Variants in NBAS observed in about 807,000 individuals in gnomAD.
The protein encoded by NBAS is NAG/BC035112 fusion.
Under a neutral mutation model 302.5 loss-of-function variants are expected in NBAS, and 219 were observed. The observed-to-expected ratio is 0.72, with a 90% CI of 0.65 to 0.81. The LOEUF (loss-of-function observed/expected upper bound fraction) is 0.81. Among genes scored for constraint, NBAS ranks in the 30% least tolerant of loss-of-function variants. NBAS has a pLI of 0.00. For synonymous variants in NBAS, 1,118 were observed against 1,021.6 expected, an observed-to-expected ratio of 1.09 and a Z score of -1.80; for missense variants, 2,932 against 2,841.6, an observed-to-expected ratio of 1.03 and a Z score of -0.72.
the NBAS span, among the ~76,000 whole-genome samples, chr2:14,824,149 G>A: frequency 4.6e-5 from 7 of 152,210 alleles, no homozygotes; most frequent in Non-Finnish European, 1.0e-4. Context: ...TAGTCTCAGA[G>A]GCTAGAAAAC....
At chr2:15,448,154 A>C (rs143927254) in intron 21 of NBAS, among the ~76,000 whole-genome samples, 1 of 152,334 alleles carries the variant, frequency 6.6e-6, no homozygotes, top group East Asian at 1.9e-4. Flanking sequence ...TCATCAGTCG[A>C]ACTACAGCAA....
the NBAS span, among the ~76,000 whole-genome samples, chr2:15,011,162 A>C: frequency 6.6e-6 from 1 of 152,148 alleles, no homozygotes; most frequent in Non-Finnish European, 1.5e-5. Flanking sequence ...TGAATTATTC[A>C]ATTTTTAAAA....
At chr2:15,510,312 T>C (rs1010048358) in intron 10 of NBAS, among the ~76,000 whole-genome samples, 1 of 152,184 alleles carries the variant, frequency 6.6e-6, no homozygotes, top group African/African-American at 2.4e-5. Context: ...GGAGGGGCCA[T>C]AATACAATAA....
the NBAS span, among the ~76,000 whole-genome samples, chr2:14,929,352 A>G: frequency 1.7e-4 from 25 of 150,226 alleles, no homozygotes; most frequent in Non-Finnish European, 3.0e-4. Flanking sequence ...AATATGAAAT[A>G]TTAATTTTTT....
chr2:15,287,745 G>A (rs1020894539), intron 41 of NBAS, among the ~76,000 whole-genome samples: 10 of 151,172 alleles, frequency 6.6e-5, no homozygotes, highest in South Asian at 4.2e-4. Context: ...AGGCATCCCC[G>A]CATAAACATC....
intron 48 of NBAS, among the ~76,000 whole-genome samples, chr2:15,205,249 C>T (rs968745117): frequency 1.3e-5 from 2 of 151,692 alleles, no homozygotes; most frequent in Non-Finnish European, 2.9e-5. Context: ...AAAAAACATA[C>T]AACAGATACA....
rs374133377 is a variant in NBAS, at chr2:15,558,662, A to G, written c.118-28T>C. On this transcript the variant is annotated intron_variant, in intron 1 of 51. Transcript: ENST00000281513. Reference sequence around the variant, plus strand: ...GGAATTTAAAACAAAAAACACTTACATTTGAATCTTCTAGTAGTATTAGAC... The same window carrying G: ...GGAATTTAAAACAAAAAACACTTACGTTTGAATCTTCTAGTAGTATTAGAC... The G allele has an allele frequency of 9.0e-6, 14 of 1,563,700 alleles. No homozygotes were observed. In the African/African-American group the frequency reaches 1.9e-4, roughly 21 times the overall value.
rs370943197 is a variant in NBAS at position 15,554,104 on chromosome 2, G to C, written c.244C>G (p.Arg82Gly). Residue 82 changes from arginine (R) to glycine (G), a missense_variant, in exon 4 of 52, where the codon CGC becomes GGC. By Grantham distance (125) the Arg-to-Gly change is moderately radical. Coordinates refer to ENST00000281513, the MANE Select transcript of NBAS (RefSeq NM_015909.4). ...CAGTTTATCTGTTTATTAACCAAGC[G>C]AACCAGTCCATCAGGGAGCAAAAAA... ...APFLLPDGLVRLVNKQINWHL... is the reference protein window; with the variant it reads ...APFLLPDGLVGLVNKQINWHL... 6.2e-7 allele frequency: 1 copy of C among 1,613,852 alleles called. No individual in the cohort carries two copies. Among genetic ancestry groups the C allele is most frequent in the Non-Finnish European group, 8.5e-7 (1 of 1,179,928 alleles).
At chr2:15,229,589 C>G (rs1217279236) in intron 47 of NBAS, among the ~76,000 whole-genome samples, 1 of 151,754 alleles carries the variant, frequency 6.6e-6, no homozygotes, top group Non-Finnish European at 1.5e-5. Context: ...TGAGACCAGA[C>G]TGACCAACAT....
chr2:15,222,839 G>A (rs1322017283), intron 47 of NBAS, among the ~76,000 whole-genome samples: 1 of 152,158 alleles, frequency 6.6e-6, no homozygotes, highest in Non-Finnish European at 1.5e-5. Context: ...CAGCTATGAT[G>A]AGATATAGAA....
chr2:15,351,391 G>A (rs960340004), intron 35 of NBAS, among the ~76,000 whole-genome samples: 7 of 152,072 alleles, frequency 4.6e-5, no homozygotes, highest in African/African-American at 4.8e-5. Context: ...AATGAAATAC[G>A]GAAGGCCAGG....
At chr2:15,350,390 A>T (rs1673295018) in intron 35 of NBAS, among the ~76,000 whole-genome samples, 1 of 152,220 alleles carries the variant, frequency 6.6e-6, no homozygotes, top group Non-Finnish European at 1.5e-5. Context: ...ATTTGATGGA[A>T]TCTCATGAAA....
chr2:15,475,834 G>A lies in NBAS; in HGVS notation c.1194C>T (p.Asp398=), dbSNP rs1680168023. The part of the protein sequence containing the change: ...YPLIDVNWWA[D]SAVTLARCSG... ...AGCATCGAGCTAAAGTCACTGCACTGTCTGCCCACCAATTGACATCTATCA... is the reference window on the plus strand; with the variant it reads ...AGCATCGAGCTAAAGTCACTGCACTATCTGCCCACCAATTGACATCTATCA... The change falls in exon 14 of 52, where the codon GAC becomes GAT. Residue 398 remains aspartate (D), a synonymous_variant. Transcript: ENST00000281513. The A allele has an allele frequency of 6.2e-7, 1 of 1,613,992 alleles. No homozygotes were observed.
chr2:15,118,753 G>C, the NBAS span, among the ~76,000 whole-genome samples: 635 of 152,266 alleles, frequency 4.2e-3, 4 homozygotes, highest in African/African-American at 0.015. Flanking sequence ...TGAAGAAGCT[G>C]TCTGAGTTGT....
chr2:15,503,303 C>T (rs1236358928), intron 11 of NBAS, among the ~76,000 whole-genome samples: 1 of 152,124 alleles, frequency 6.6e-6, no homozygotes, highest in Non-Finnish European at 1.5e-5. Context: ...TCAAGCCTTC[C>T]ATATCCACAG....
At chr2:14,832,876 G>A in the NBAS span, among the ~76,000 whole-genome samples, 1 of 152,136 alleles carries the variant, frequency 6.6e-6, no homozygotes, top group African/African-American at 2.4e-5. Context: ...GTTGCCAAAT[G>A]TCCCATGGAA....
the NBAS span, among the ~76,000 whole-genome samples, chr2:14,785,684 T>C: frequency 6.6e-6 from 1 of 152,224 alleles, no homozygotes; most frequent in African/African-American, 2.4e-5. Flanking sequence ...TTGATCATGG[T>C]GGATAAGCTT....
chr2:15,427,699 G>A lies in NBAS; in HGVS notation c.2423+12C>T, dbSNP rs567091429. 5.0e-6 allele frequency: 8 copies of A among 1,600,270 alleles called. No homozygotes were observed. The highest frequency in any genetic ancestry group is 6.0e-6 in the Non-Finnish European group (7 of 1,169,956). On this transcript the variant is annotated intron_variant, in intron 22 of 51. Transcript: ENST00000281513. ...AAAGAAACAAAGATGCCTCCTGCAG[G>A]CTCATACTGACCTGCAAGCCAACTC...
intron 11 of NBAS, among the ~76,000 whole-genome samples, chr2:15,495,593 C>T (rs1681037024): frequency 1.3e-5 from 2 of 151,968 alleles, no homozygotes; most frequent in Admixed American, 1.3e-4. Context: ...TATAAATAAA[C>T]AGATAAACCT....
Sources: gnomAD v4.1 joint callset for allele counts (sites outside exome capture counted in the v4.1 genomes callset) on GRCh38, gnomAD v4.1.1 for gene constraint, MANE v1.5 for transcripts, NCBI Gene and HGNC (gene_info 2026-07-23, HGNC 2026-07-21) for gene names.